The following SEC14L1 variants were observed in gnomAD, a reference collection of about 807,000 sequenced individuals.
SEC14L1 encodes SEC14 like lipid binding 1, also known as SEC14-like protein 1.
In SEC14L1, 48 loss-of-function variants were observed where a neutral mutation model predicts 85.3. The observed-to-expected ratio is 0.56, with a 90% confidence interval of 0.45 to 0.72. The LOEUF (loss-of-function observed/expected upper bound fraction) is 0.72. SEC14L1 is among the 30% of genes least tolerant of loss of function. The pLI, the probability that SEC14L1 is intolerant of heterozygous loss-of-function variation, is 0.00. For synonymous variants in SEC14L1, 391 were observed against 355.5 expected (o/e 1.10, Z -1.12); for missense variants, 682 against 921.4 (o/e 0.74, Z 3.36).
At chr17:77,148,788 C>G (rs1306928795) in intron 3 of SEC14L1, among the ~76,000 whole-genome samples, 1 of 152,256 alleles carries the variant, frequency 6.6e-6, no homozygotes, top group African/African-American at 2.4e-5. Flanking sequence ...CACACACTTT[C>G]CATTGTGTGT....
rs1977057285 is a variant in SEC14L1 at position 77,216,148 on chromosome 17, TCGTAGGTAGGGTTCGTAGGTAGGGCTA to T, written c.*2126_*2152del. The stretch of plus-strand genomic sequence containing the variant: ...AGTAGGTAGGGCTAGTAGGTAGGGT[TCGTAGGTAGGGTTCGTAGGTAGGGCTA>T]GTAGGTAGGGTTAGTAGGTAGGGCT... On this transcript the variant is annotated 3_prime_UTR_variant, in exon 17 of 17. Transcript: ENST00000436233. The T allele has an allele frequency of 1.0e-6, 1 of 996,644 alleles. No homozygotes were observed. The highest frequency in any genetic ancestry group is 2.1e-5 in the African/African-American group (1 of 46,570). 61.7% of individuals were successfully genotyped at this position (996,644 alleles called of 1,614,324 possible).
At position 77,216,692 on chromosome 17, in the gene SEC14L1, G is replaced by C; in HGVS notation, c.*2669G>C. The stretch of plus-strand genomic sequence containing the variant: ...ATCTGTTCTTTTTAAGTTGATTCGG[G>C]AGTGGCATTCTTTTATACCCAAAGA... On this transcript the variant is annotated 3_prime_UTR_variant, in exon 17 of 17. Transcript: ENST00000436233. 6.5e-7 allele frequency: 1 copy of C among 1,547,618 alleles called. No homozygotes were observed. Among genetic ancestry groups the C allele is most frequent in the Non-Finnish European group, 8.9e-7 (1 of 1,129,604 alleles).
intron 8 of SEC14L1, among the ~76,000 whole-genome samples, chr17:77,197,315 C>T (rs1470252593): frequency 1.3e-5 from 2 of 152,232 alleles, no homozygotes; most frequent in African/African-American, 4.8e-5. Context: ...ACACTCGGAA[C>T]ACGGCCTTGG....
Position 77,216,477 on chromosome 17 carries a change from T to A in SEC14L1, c.*2454T>A. ...GCGCGTCTGTGCTGCTTCCACCTGG[T>A]GCTTCCTGTTCCCAAATCACAAGGG... On this transcript the variant is annotated 3_prime_UTR_variant, in exon 17 of 17. Coordinates refer to ENST00000436233, the MANE Select transcript of SEC14L1 (RefSeq NM_001143998.2). The A allele has an allele frequency of 6.2e-7, 1 of 1,612,280 alleles. No individual in the cohort carries two copies. The highest frequency in any genetic ancestry group is 1.1e-5 in the South Asian group (1 of 91,054).
rs749540124 is a variant in SEC14L1 at position 77,214,028 on chromosome 17, G to A, written c.*5G>A. ...AGCTCCATGATCTCCAGGTAGTGCC[G>A]CGCTGCCTGCACCTAGTGTGCAGAG... On this transcript the variant is annotated 3_prime_UTR_variant, in exon 17 of 17. Transcript: ENST00000436233. 1.2e-5 allele frequency: 20 copies of A among 1,611,224 alleles called. No individual in the cohort carries two copies. Among genetic ancestry groups the A allele is most frequent in the African/African-American group, 8.0e-5 (6 of 74,806 alleles).
intron 3 of SEC14L1, among the ~76,000 whole-genome samples, chr17:77,146,736 A>G (rs1973328549): frequency 1.3e-5 from 2 of 152,094 alleles, no homozygotes; most frequent in Admixed American, 6.6e-5. Context: ...ACACACACGC[A>G]CGTATATTCT....
chr17:77,194,768 C>G lies in SEC14L1; in HGVS notation c.566C>G (p.Ser189Cys). The change falls in exon 7 of 17, where the codon TCT becomes TGT. Residue 189 changes from serine to cysteine, a missense_variant. Around this residue, in one of 3 missense-constraint regions of SEC14L1, gnomAD observed 123 missense variants for 100.6 expected, o/e 1.22. Coordinates refer to ENST00000436233, the MANE Select transcript of SEC14L1 (RefSeq NM_001143998.2). ...TGGAGTCCGCCTTCCATCACGACCT[C>G]TTCAGAGACATCTTCATCATCCTCC... ...PRWSPPSITT[S>C]SETSSSSSKK... 6.2e-7 allele frequency: 1 copy of G among 1,614,236 alleles called. No individual in the cohort carries two copies. The highest frequency in any genetic ancestry group is 8.5e-7 in the Non-Finnish European group (1 of 1,180,040).
At chr17:77,201,206 A>G (rs1004006430) in intron 9 of SEC14L1, among the ~76,000 whole-genome samples, 5 of 152,144 alleles carry the variant, frequency 3.3e-5, no homozygotes, top group Non-Finnish European at 5.9e-5. Context: ...AGTTCCCCCA[A>G]ATGCCTTCCA....
At chr17:77,187,179 A>G (rs1975303109) in intron 3 of SEC14L1, among the ~76,000 whole-genome samples, 1 of 152,204 alleles carries the variant, frequency 6.6e-6, no homozygotes, top group South Asian at 2.1e-4. Flanking sequence ...CTGAAATCAG[A>G]AGCACTTCTG....
chr17:77,210,607 G>C (rs1207597340), intron 14 of SEC14L1: 1 of 152,198 alleles, frequency 6.6e-6, no homozygotes, highest in Admixed American at 6.5e-5. Context: ...AGGGAATGCT[G>C]TTGCCATGGT....
intron 3 of SEC14L1, among the ~76,000 whole-genome samples, chr17:77,172,934 G>C (rs570975611): frequency 1.3e-5 from 2 of 152,208 alleles, no homozygotes; most frequent in South Asian, 4.1e-4. Flanking sequence ...TTGCTCAGCT[G>C]CTGGGACGTT....
Position 77,152,802 on chromosome 17 carries a change from A to T in SEC14L1, c.63+9143A>T, listed in dbSNP as rs182075065. 4 of 152,320 alleles carry T rather than the reference A, an allele frequency of 2.6e-5. No individual in the cohort carries two copies. The East Asian group carries it at 7.7e-4, about 29-fold the overall frequency. The allele number at this position is 152,320 out of a possible 1,614,324, so 9.4% of individuals were successfully genotyped here. A position where few individuals can be genotyped will look rare whatever the true frequency, so the allele number is the denominator to read the frequency against. ...CTCACTTGTCTAAAAAATGTCTTTC[A>T]TAAGTTGCTTGGATCCTGCTTCAAA... is the stretch of plus-strand genomic sequence containing the variant. On this transcript the variant is annotated intron_variant, in intron 3 of 16. Coordinates refer to ENST00000436233, the MANE Select transcript of SEC14L1 (RefSeq NM_001143998.2).
In SEC14L1 at chr17:77,190,888, G is replaced by A; in HGVS notation, c.149G>A (p.Gly50Glu). 2 of 1,614,196 alleles carry A rather than the reference G, an allele frequency of 1.2e-6. No homozygotes were observed. Among genetic ancestry groups the A allele is most frequent in the Non-Finnish European group, 1.7e-6 (2 of 1,180,032 alleles). The change falls in exon 4 of 17, where the codon GGG becomes GAG. Residue 50 changes from glycine (G) to glutamate (E), a missense_variant. Physicochemically the swap from Gly to Glu is moderately conservative, Grantham distance 98. Around this residue, in one of 3 missense-constraint regions of SEC14L1, gnomAD observed 139 missense variants for 201.3 expected, o/e 0.69. Coordinates refer to ENST00000436233, the MANE Select transcript of SEC14L1 (RefSeq NM_001143998.2). Reference sequence around the variant, plus strand: ...GTGAATGAATTCAAGAGCGAAGATGGGGCTATTCATGTCATTGAAAGGCGC... The same window carrying A: ...GTGAATGAATTCAAGAGCGAAGATGAGGCTATTCATGTCATTGAAAGGCGC... The part of the protein sequence containing the change: ...DTVNEFKSED[G>E]AIHVIERRCK...
chr17:77,100,609 G>C (rs2143313700), intron 3 of SEC14L1, among the ~76,000 whole-genome samples: 1 of 151,588 alleles, frequency 6.6e-6, no homozygotes, highest in Non-Finnish European at 1.5e-5. Flanking sequence ...GCTAATTTTT[G>C]TATTTTTAGT....
intron 3 of SEC14L1, among the ~76,000 whole-genome samples, chr17:77,144,243 A>G (rs1021736733): frequency 6.6e-6 from 1 of 152,074 alleles, no homozygotes; most frequent in Non-Finnish European, 1.5e-5. Context: ...CTTTTGTGTT[A>G]TTATTAAGAT....
intron 8 of SEC14L1, among the ~76,000 whole-genome samples, chr17:77,197,799 T>A (rs1194062204): frequency 6.6e-6 from 1 of 152,158 alleles, no homozygotes; most frequent in African/African-American, 2.4e-5. Flanking sequence ...GAGAACAGGG[T>A]TCCACCATGT....
intron 3 of SEC14L1, among the ~76,000 whole-genome samples, chr17:77,105,792 A>C (rs1971901853): frequency 6.6e-6 from 1 of 152,172 alleles, no homozygotes; most frequent in Non-Finnish European, 1.5e-5. Flanking sequence ...GAATGGGCCC[A>C]GAGGAGCACA....
intron 3 of SEC14L1, among the ~76,000 whole-genome samples, chr17:77,145,940 C>T (rs187724270): frequency 6.6e-6 from 1 of 152,366 alleles, no homozygotes; most frequent in African/African-American, 2.4e-5. Context: ...GCTTAGCTGT[C>T]TGAAAGCCCT....
chr17:77,127,496 C>T (rs902239435), intron 3 of SEC14L1, among the ~76,000 whole-genome samples: 5 of 152,058 alleles, frequency 3.3e-5, no homozygotes, highest in African/African-American at 1.2e-4. Context: ...ATTATAAGCA[C>T]CCACCACCAC....
Sources: allele counts gnomAD v4.1 joint callset (sites outside exome capture counted in the v4.1 genomes callset), GRCh38; gene constraint gnomAD v4.1.1; regional missense constraint gnomAD v4.1.1; transcripts MANE v1.5; gene names NCBI Gene and HGNC (gene_info 2026-07-23, HGNC 2026-07-21).